The following CHIT1 variants were observed in gnomAD, a reference collection of about 807,000 sequenced individuals.
CHIT1 encodes chitotriosidase-1.
CHIT1 carries 47 observed loss-of-function variants against 52.0 expected under a neutral mutation model. The ratio of observed to expected loss-of-function variants is 0.90; its 90% CI spans 0.71 to 1.15. CHIT1 has a LOEUF of 1.15. Among genes scored for constraint, CHIT1 ranks in the 50% most tolerant of loss-of-function variants. The pLI is 0.00. For missense variants in CHIT1, 569 were observed against 583.0 expected (o/e 0.98, Z 0.25); for synonymous variants, 242 against 228.2 (o/e 1.06, Z -0.54).
At chr1:203,219,492 G>A in intron 8 of CHIT1, 163 bp from the exon 9 acceptor site, 1 of 933,168 alleles carries the variant, frequency 1.1e-6, no homozygotes, top group Non-Finnish European at 1.7e-6. Flanking sequence ...CTCAGCTTGA[G>A]GCACCTGGGC....
upstream of CHIT1, chr1:203,229,754 T>TG (rs747499612): frequency 5.0e-5 from 53 of 1,058,602 alleles, no homozygotes; most frequent in South Asian, 2.8e-4. Context: ...GGGCACTGGG[T>TG]GGGGGGGATG....
intron 4 of CHIT1, among the ~76,000 whole-genome samples, chr1:203,224,336 A>C (rs1656849441): frequency 6.6e-6 from 1 of 152,064 alleles, no homozygotes; most frequent in South Asian, 2.1e-4. Flanking sequence ...GATTGATCCT[A>C]TTTTATTTTT....
upstream of CHIT1, chr1:203,229,760 G>A (rs1005197452): frequency 3.4e-6 from 4 of 1,165,110 alleles, no homozygotes; most frequent in African/African-American, 4.6e-5. Context: ...TGGGTGGGGG[G>A]GATGGGAGCA....
At chr1:203,222,454 G>T in intron 6 of CHIT1, 129 bp from the exon 7 acceptor site, 1 of 1,359,216 alleles carries the variant, frequency 7.4e-7, no homozygotes, top group Non-Finnish European at 1.0e-6. Flanking sequence ...AAGGTGGCAG[G>T]CTCACCTGGC....
intron 6 of CHIT1, among the ~76,000 whole-genome samples, chr1:203,222,624 G>A (rs1656779912): frequency 6.6e-6 from 1 of 152,180 alleles, no homozygotes; most frequent in African/African-American, 2.4e-5. Flanking sequence ...CTATTCTGGA[G>A]GGAACTCTAG....
Position 203,216,336 on chromosome 1 carries a change from G to C in CHIT1, c.*553C>G, listed in dbSNP as rs1177645419. 8.8e-6 allele frequency: 4 copies of C among 454,108 alleles called. No individual in the cohort carries two copies. Among genetic ancestry groups the C allele is most frequent in the Non-Finnish European group, 1.8e-5 (4 of 226,790 alleles). 28.1% of individuals were successfully genotyped at this position (454,108 alleles called of 1,614,324 possible). A position where few individuals can be genotyped will look rare whatever the true frequency, so the allele number is the denominator to read the frequency against. ...TGAATTCTTAGTGTAATGCTGAGTG[G>C]CTGCTCGCAGAGCGCTTAAATCAGG... is the stretch of plus-strand genomic sequence containing the variant. On this transcript the variant is annotated 3_prime_UTR_variant, in exon 11 of 11. Transcript: ENST00000367229.
chr1:203,225,890 A>G lies in CHIT1; in HGVS notation c.56-20T>C. On this transcript the variant is annotated intron_variant, in intron 2 of 10. Transcript: ENST00000367229. ...CAGAGCCTGGCCCGTTGGAGTAAAG[A>G]AAAGGGATAGCTGTCAGCAGGACCT... 4 of 1,613,614 alleles carry G rather than the reference A, an allele frequency of 2.5e-6. No individual in the cohort carries two copies. Among genetic ancestry groups the G allele is most frequent in the Non-Finnish European group, 2.5e-6 (3 of 1,179,708 alleles).
At chr1:203,227,695 C>T (rs915345014) in intron 2 of CHIT1, among the ~76,000 whole-genome samples, 2 of 152,190 alleles carry the variant, frequency 1.3e-5, no homozygotes, top group African/African-American at 4.8e-5. Flanking sequence ...CATATATTAA[C>T]CCTTAGTCCA....
chr1:203,227,265 A>G (rs567413211), intron 2 of CHIT1, among the ~76,000 whole-genome samples: 1 of 152,232 alleles, frequency 6.6e-6, no homozygotes, highest in East Asian at 1.9e-4. Flanking sequence ...GCAGCTTGCT[A>G]GTGGGGCTGG....
At chr1:203,217,393 T>C in intron 10 of CHIT1, 1 of 1,494,728 alleles carries the variant, frequency 6.7e-7, no homozygotes, top group Non-Finnish European at 8.9e-7. Context: ...AACCATATAC[T>C]GCTGAGGGCA....
intron 7 of CHIT1, 148 bp from the exon 8 acceptor site, chr1:203,219,997 TC>T (rs1656676165): frequency 3.1e-6 from 3 of 979,748 alleles, no homozygotes; most frequent in Non-Finnish European, 4.7e-6. Context: ...CCCTACCCCA[TC>T]TTCTTTAGAG....
upstream of CHIT1, chr1:203,229,720 C>A: frequency 1.3e-6 from 2 of 1,550,002 alleles, no homozygotes; most frequent in Non-Finnish European, 1.8e-6. Context: ...CCTGTCCCAC[C>A]CCAGCCAGGA....
upstream of CHIT1, chr1:203,230,079 C>T (rs1339267215): frequency 4.4e-6 from 1 of 229,776 alleles, no homozygotes; most frequent in African/African-American, 2.3e-5. Context: ...CAAACTGTTT[C>T]TCCATCTAGA....
At chr1:203,229,754 T>G (rs1571853572), upstream of CHIT1, 43 of 1,058,574 alleles carry the variant, frequency 4.1e-5, no homozygotes, top group Non-Finnish European at 5.0e-5. Context: ...GGGCACTGGG[T>G]GGGGGGGATG....
chr1:203,225,503 C>T (rs190607607), intron 3 of CHIT1, among the ~76,000 whole-genome samples, 166 bp downstream of exon 3: 24 of 152,244 alleles, frequency 1.6e-4, no homozygotes, highest in Non-Finnish European at 2.6e-4. Flanking sequence ...CAAACCCTAC[C>T]TCTTTCATTA....
chr1:203,225,287 A>G (rs1024493402), intron 3 of CHIT1, among the ~76,000 whole-genome samples, 183 bp from the exon 4 acceptor site: 1 of 152,090 alleles, frequency 6.6e-6, no homozygotes, highest in Non-Finnish European at 1.5e-5. Context: ...TTCCTGACTC[A>G]CAGAACCACC....
rs1656869382 is a variant in CHIT1, at chr1:203,224,948, A to T, written c.314+100T>A. On this transcript the variant is annotated intron_variant, in intron 4 of 10. Coordinates refer to ENST00000367229, the MANE Select transcript of CHIT1 (RefSeq NM_003465.3). ...CTCCCCTCCCCTTTCCCCTGACCAC[A>T]CCTCAGCCTGGCCTGATTCCCTGAC... 4 of 1,110,212 alleles carry T rather than the reference A, an allele frequency of 3.6e-6. No homozygotes were observed. The Admixed American group carries it at 7.1e-5, about 20-fold the overall frequency. The allele number at this position is 1,110,212 out of a possible 1,614,324, so 68.8% of individuals were successfully genotyped here. A position where few individuals can be genotyped will look rare whatever the true frequency, so the allele number is the denominator to read the frequency against.
chr1:203,224,456 A>C (rs1656852705), intron 4 of CHIT1, among the ~76,000 whole-genome samples: 1 of 151,622 alleles, frequency 6.6e-6, no homozygotes, highest in Admixed American at 6.6e-5. Context: ...TCAGATTCCC[A>C]AAAGGGTTCA....
chr1:203,222,475 G>T, intron 6 of CHIT1, 150 bp from the exon 7 acceptor site: 1 of 1,199,250 alleles, frequency 8.3e-7, no homozygotes, highest in Non-Finnish European at 1.2e-6. Flanking sequence ...TCTGCAGAAG[G>T]TGACCCAGAC....
Sources: gnomAD v4.1 joint callset for allele counts (sites outside exome capture counted in the v4.1 genomes callset) on GRCh38, gnomAD v4.1.1 for gene constraint, MANE v1.5 for transcripts, NCBI Gene and HGNC (gene_info 2026-07-23, HGNC 2026-07-21) for gene names.